COL23A1: variants seen among roughly 807,000 people sequenced by gnomAD.
COL23A1 encodes the protein collagen alpha-1(XXIII) chain.
A neutral mutation model predicts 99.3 loss-of-function variants in COL23A1; 97 were observed. The ratio of observed to expected loss-of-function variants is 0.98; its 90% CI spans 0.83 to 1.16. The LOEUF (loss-of-function observed/expected upper bound fraction) is 1.16. Ranked by LOEUF, COL23A1 falls within the 50% of genes most tolerant of loss-of-function variation. The pLI is 0.00. For synonymous variants in COL23A1, 320 were observed against 308.2 expected (o/e 1.04, Z -0.40); for missense variants, 762 against 757.4 (o/e 1.01, Z -0.07).
chr5:178,363,342 A>G (rs1295446511), intron 2 of COL23A1, among the ~76,000 whole-genome samples: 2 of 152,174 alleles, frequency 1.3e-5, no homozygotes, highest in African/African-American at 2.4e-5. Flanking sequence ...GAAAACACTG[A>G]CAGGATAGCC....
chr5:178,274,850 G>A (rs1256920994), intron 5 of COL23A1, among the ~76,000 whole-genome samples: 4 of 152,202 alleles, frequency 2.6e-5, no homozygotes, highest in Non-Finnish European at 5.9e-5. Flanking sequence ...TCGCTCCCCT[G>A]CCTGATCAAA....
At position 178,355,684 on chromosome 5, in the gene COL23A1, C is replaced by T. The variant is rs540230617; in HGVS notation, c.362-48765G>A. Among the ~76,000 whole-genome samples the T allele has an allele frequency of 1.3e-4, 20 of 152,274 alleles. No individual in the cohort carries two copies. In the East Asian group the frequency reaches 2.5e-3, roughly 19 times the overall value. ...AGTAGCTGGGACCACAGGCTCACGCCGCCAAGGATGTTAGCCAGAATGGTC... is the reference window on the plus strand; with the variant it reads ...AGTAGCTGGGACCACAGGCTCACGCTGCCAAGGATGTTAGCCAGAATGGTC... On this transcript the variant is annotated intron_variant, in intron 2 of 28. Transcript: ENST00000390654.
intron 5 of COL23A1, among the ~76,000 whole-genome samples, chr5:178,276,061 G>T (rs981651413): frequency 6.6e-6 from 1 of 152,200 alleles, no homozygotes; most frequent in Non-Finnish European, 1.5e-5. Flanking sequence ...TAACCGTGTG[G>T]CTACAGAGGG....
intron 1 of COL23A1, among the ~76,000 whole-genome samples, chr5:178,581,046 G>T (rs1763636073): frequency 6.6e-6 from 1 of 152,062 alleles, no homozygotes; most frequent in African/African-American, 2.4e-5. Context: ...TGATACAGGG[G>T]TTTCATTCTG....
chr5:178,518,574 C>A (rs1374477414), intron 2 of COL23A1, among the ~76,000 whole-genome samples: 24 of 148,118 alleles, frequency 1.6e-4, no homozygotes, highest in Non-Finnish European at 3.2e-4. Flanking sequence ...CTCCTCACCT[C>A]CCAGATGGGG....
At chr5:178,482,997 A>G (rs1438869243) in intron 2 of COL23A1, among the ~76,000 whole-genome samples, 1 of 152,154 alleles carries the variant, frequency 6.6e-6, no homozygotes, top group East Asian at 1.9e-4. Context: ...GCTTGAGCCC[A>G]AGAGGCTGAG....
chr5:178,465,253 G>A (rs62389446), intron 2 of COL23A1, among the ~76,000 whole-genome samples: 11,394 of 152,190 alleles, frequency 0.075, 460 homozygotes, highest in African/African-American at 0.11. Context: ...AAGCTTCAGA[G>A]GCTGGGGGTT....
chr5:178,282,380 G>A (rs1756946587), intron 5 of COL23A1, among the ~76,000 whole-genome samples: 1 of 152,206 alleles, frequency 6.6e-6, no homozygotes, highest in South Asian at 2.1e-4. Context: ...GAAGGGAGCA[G>A]CAGGGCTGGA....
chr5:178,510,690 A>G (rs1207156148), intron 2 of COL23A1, among the ~76,000 whole-genome samples: 2 of 151,596 alleles, frequency 1.3e-5, no homozygotes, highest in Non-Finnish European at 1.5e-5. Flanking sequence ...AAAAATAAAA[A>G]TAAAAAATAA....
At chr5:178,373,629 T>C (rs1762916863) in intron 2 of COL23A1, among the ~76,000 whole-genome samples, 1 of 152,126 alleles carries the variant, frequency 6.6e-6, no homozygotes, top group Admixed American at 6.5e-5. Context: ...TTGGCCAGGC[T>C]GGTCACAAAC....
chr5:178,238,757 T>C (rs1764238685), intron 28 of COL23A1, 57 bp from the exon 29 acceptor site: 41 of 1,611,232 alleles, frequency 2.5e-5, no homozygotes, highest in Non-Finnish European at 3.5e-5. Context: ...TCCGCCCCCA[T>C]CCAGGCCACC....
chr5:178,431,550 G>C (rs1436422156), intron 2 of COL23A1, among the ~76,000 whole-genome samples: 1 of 152,210 alleles, frequency 6.6e-6, no homozygotes, highest in Non-Finnish European at 1.5e-5. Context: ...CAAAGTGGAA[G>C]ATCAGATACA....
chr5:178,369,652 G>A (rs891017517), intron 2 of COL23A1, among the ~76,000 whole-genome samples: 1 of 152,110 alleles, frequency 6.6e-6, no homozygotes. Flanking sequence ...GTTTTATAAG[G>A]GGAGTTTCCC....
chr5:178,448,169 C>T (rs891747522), intron 2 of COL23A1, among the ~76,000 whole-genome samples: 6 of 142,054 alleles, frequency 4.2e-5, no homozygotes, highest in East Asian at 2.1e-4. Flanking sequence ...TAGTGCTAGT[C>T]GCAGTCCGTT....
intron 2 of COL23A1, among the ~76,000 whole-genome samples, chr5:178,456,092 AAC>A (rs1767776049): frequency 2.0e-5 from 3 of 152,248 alleles, no homozygotes; most frequent in Admixed American, 6.5e-5. Context: ...ATAGGAGAGA[AAC>A]ACAGATTGTT....
intron 5 of COL23A1, among the ~76,000 whole-genome samples, chr5:178,279,441 G>A (rs1756770518): frequency 6.6e-6 from 1 of 152,204 alleles, no homozygotes; most frequent in African/African-American, 2.4e-5. Context: ...TGCTCCCCGG[G>A]CAGACTGAGG....
chr5:178,349,302 C>G (rs988150934), intron 2 of COL23A1, among the ~76,000 whole-genome samples: 1 of 152,142 alleles, frequency 6.6e-6, no homozygotes, highest in Non-Finnish European at 1.5e-5. Context: ...TGACAGAGGT[C>G]GGGGTAGGAA....
At chr5:178,252,070 C>T (rs372145476) in intron 17 of COL23A1, among the ~76,000 whole-genome samples, 1 of 152,082 alleles carries the variant, frequency 6.6e-6, no homozygotes, top group South Asian at 2.1e-4. Context: ...TGTGCCACCA[C>T]GCCCGGCTAA....
At chr5:178,540,254 T>C (rs946426271) in intron 2 of COL23A1, among the ~76,000 whole-genome samples, 1 of 152,180 alleles carries the variant, frequency 6.6e-6, no homozygotes, top group African/African-American at 2.4e-5. Context: ...GATGGTATGG[T>C]AGAAGATACA....
Sources: gnomAD v4.1 joint callset for allele counts (sites outside exome capture counted in the v4.1 genomes callset) on GRCh38, gnomAD v4.1.1 for gene constraint, MANE v1.5 for transcripts, NCBI Gene and HGNC (gene_info 2026-07-23, HGNC 2026-07-21) for gene names.